MTRR: variants seen among roughly 807,000 people sequenced by gnomAD.
The protein encoded by MTRR is 5-methyltetrahydrofolate-homocysteine methyltransferase reductase.
MTRR carries 63 observed loss-of-function variants against 79.2 expected under a neutral mutation model. That is an observed-to-expected ratio of 0.80 (90% CI 0.65 to 0.98). The LOEUF (loss-of-function observed/expected upper bound fraction) is 0.98. Among genes scored for constraint, MTRR ranks in the 50% least tolerant of loss-of-function variants. MTRR has a pLI of 0.00. For synonymous variants in MTRR, 355 were observed against 313.3 expected, an observed-to-expected ratio of 1.13 and a Z score of -1.41; for missense variants, 895 against 839.6, an observed-to-expected ratio of 1.07 and a Z score of -0.82.
In MTRR at chr5:7,875,669, C is replaced by T. The variant is rs150553708; in HGVS notation, c.401+294C>T. Among the ~76,000 whole-genome samples the T allele has an allele frequency of 7.9e-4, 121 of 152,320 alleles. 1 individual carries two copies. The highest frequency in any genetic ancestry group is 3.4e-3 in the Middle Eastern group (1 of 294). On this transcript the variant is annotated intron_variant, in intron 4 of 14. Transcript: ENST00000440940. ...CAGTGTAGGTATTTGCAGAAATCAG[C>T]TTGTTCTTTAGGAACTTTAATCGTG...
At chr5:7,894,282 C>A (rs162050) in intron 11 of MTRR, among the ~76,000 whole-genome samples, 40,191 of 152,132 alleles carry the variant, frequency 0.26, 6,446 homozygotes, top group African/African-American at 0.41. Flanking sequence ...GACCTATCAC[C>A]CACCCTGCCC....
chr5:7,882,383 A>G (rs1735727758), intron 5 of MTRR, among the ~76,000 whole-genome samples: 1 of 152,204 alleles, frequency 6.6e-6, no homozygotes, highest in Non-Finnish European at 1.5e-5. Flanking sequence ...GCACTGCCAT[A>G]GCCTTTGCAG....
intron 5 of MTRR, among the ~76,000 whole-genome samples, chr5:7,878,884 T>C (rs1258610944): frequency 6.6e-6 from 1 of 152,260 alleles, no homozygotes; most frequent in Non-Finnish European, 1.5e-5. Flanking sequence ...GCCCTCTTTC[T>C]GTTGAGTGGC....
chr5:7,874,084 G>T (rs1748458274), intron 3 of MTRR, among the ~76,000 whole-genome samples: 1 of 152,122 alleles, frequency 6.6e-6, no homozygotes, highest in Admixed American at 6.5e-5. Context: ...AAGCTCCCAG[G>T]TGATTCTAAC....
rs1477648506 is a variant in MTRR, at chr5:7,878,141, G to A, written c.599G>A (p.Gly200Glu). The A allele has an allele frequency of 1.2e-6, 2 of 1,614,132 alleles. No individual in the cohort carries two copies. The highest frequency in any genetic ancestry group is 2.2e-5 in the East Asian group (1 of 44,856). ...GAGCTTCTGAGATTCGATGATTCAG[G>A]AAGAAAGGATTCTGAGGTTTTGAAG... ...QVELLRFDDS[G>E]RKDSEVLKQN... The change falls in exon 5 of 15, where the codon GGA becomes GAA. Residue 200 changes from glycine (G) to glutamate (E), a missense_variant. Transcript: ENST00000440940.
In MTRR at chr5:7,854,577, G is replaced by A. The variant is rs1283080840; in HGVS notation, n.391+2992G>A. On this transcript the variant is annotated intron_variant and non_coding_transcript_variant, in intron 1 of 3. Transcript: ENST00000502509. ...TTACATGGTGGCGGCAAGAGAAAATGAGGAAGATGCAAAAGCGGAAACCCC... is the reference window on the plus strand; with the variant it reads ...TTACATGGTGGCGGCAAGAGAAAATAAGGAAGATGCAAAAGCGGAAACCCC... 2.0e-5 allele frequency among the ~76,000 whole-genome samples: 3 copies of A among 152,022 alleles called. 1 individual carries two copies. Among genetic ancestry groups the A allele is most frequent in the Admixed American group, 1.3e-4 (2 of 15,242 alleles).
At chr5:7,886,953 G>T (rs1021628112) in intron 8 of MTRR, among the ~76,000 whole-genome samples, 3 of 152,102 alleles carry the variant, frequency 2.0e-5, no homozygotes, top group Non-Finnish European at 4.4e-5. Context: ...CTTTTTCTTA[G>T]TCTAAATAGG....
chr5:7,876,498 G>A (rs326122), intron 4 of MTRR, among the ~76,000 whole-genome samples: 130,803 of 152,266 alleles, frequency 0.86, 56,415 homozygotes, highest in African/African-American at 0.91. Flanking sequence ...TGTAAGTATT[G>A]AAATGCTTGA....
chr5:7,854,456 A>G (rs1746169521), intron 1 of MTRR, among the ~76,000 whole-genome samples: 1 of 152,226 alleles, frequency 6.6e-6, no homozygotes, highest in Non-Finnish European at 1.5e-5. Context: ...TGATAAAGAC[A>G]TACCCAAGAC....
At chr5:7,855,682 A>G (rs996049797) in intron 1 of MTRR, among the ~76,000 whole-genome samples, 1 of 152,110 alleles carries the variant, frequency 6.6e-6, no homozygotes, top group Admixed American at 6.5e-5. Flanking sequence ...CTTTTCTTTC[A>G]ATTCTTATGT....
intron 5 of MTRR, among the ~76,000 whole-genome samples, chr5:7,879,110 C>T (rs1735098485): frequency 6.6e-6 from 1 of 152,116 alleles, no homozygotes; most frequent in Non-Finnish European, 1.5e-5. Context: ...CTAAAGCTTT[C>T]ATGTAAGTAT....
upstream of MTRR, among the ~76,000 whole-genome samples, chr5:7,864,741 G>A (rs941154680): frequency 2.2e-4 from 34 of 152,194 alleles, no homozygotes; most frequent in African/African-American, 8.2e-4. Context: ...CTAACACACT[G>A]CAATAGAAGT....
At chr5:7,861,203 C>T (rs747462140) in intron 1 of MTRR, 3 of 1,612,628 alleles carry the variant, frequency 1.9e-6, no homozygotes, top group Non-Finnish European at 2.5e-6. Flanking sequence ...TAGCTTCTTT[C>T]CCCAGTAAGT....
At chr5:7,870,016 C>T (rs1462029882) in intron 1 of MTRR, 2 of 985,184 alleles carry the variant, frequency 2.0e-6, no homozygotes, top group African/African-American at 1.7e-5. Context: ...AAATTGACAG[C>T]CCACCAATTT....
At chr5:7,866,292 AG>A (rs376919617), upstream of MTRR, among the ~76,000 whole-genome samples, 9 of 146,276 alleles carry the variant, frequency 6.2e-5, no homozygotes, top group East Asian at 1.8e-3. Flanking sequence ...CCTTGAATTA[AG>A]ATGAATAATA....
intron 1 of MTRR, chr5:7,861,335 G>A: frequency 1.1e-6 from 1 of 874,116 alleles, no homozygotes; most frequent in Non-Finnish European, 1.7e-6. Context: ...TATTTTAGTT[G>A]CCAAAGTTTA....
At chr5:7,899,798 GA>G (rs1739181413) in intron 14 of MTRR, 115 bp from the exon 15 acceptor site, 2 of 1,349,578 alleles carry the variant, frequency 1.5e-6, no homozygotes. Flanking sequence ...GATGTTCTGA[GA>G]AGACGGAGGG....
intron 1 of MTRR, chr5:7,859,572 T>C: frequency 7.3e-7 from 1 of 1,362,170 alleles, no homozygotes; most frequent in South Asian, 1.3e-5. Flanking sequence ...CTGGTCAAGA[T>C]CCTTCAAAAT....
chr5:7,887,793 C>A (rs898333422), intron 8 of MTRR, among the ~76,000 whole-genome samples: 1 of 92,022 alleles, frequency 1.1e-5, no homozygotes, highest in East Asian at 3.2e-4. Context: ...TGTGTGTGTG[C>A]ATATATATAT....
Sources: allele counts gnomAD v4.1 joint callset (sites outside exome capture counted in the v4.1 genomes callset), GRCh38; gene constraint gnomAD v4.1.1; transcripts MANE v1.5; gene names NCBI Gene and HGNC (gene_info 2026-07-23, HGNC 2026-07-21).